SGK3: variants seen among roughly 807,000 people sequenced by gnomAD.
The protein encoded by SGK3 is serine/threonine-protein kinase Sgk3.
A neutral mutation model predicts 68.5 loss-of-function variants in SGK3; 47 were observed. That is an observed-to-expected ratio of 0.69 (90% confidence interval 0.54 to 0.87). The LOEUF is 0.87. Ranked by LOEUF, SGK3 falls within the 40% of genes least tolerant of loss-of-function variation. SGK3 has a pLI of 0.00. For synonymous variants in SGK3, 181 were observed against 189.1 expected (o/e 0.96, Z 0.35); for missense variants, 479 against 575.5 (o/e 0.83, Z 1.72).
At chr8:66,713,012 G>A (rs1804534455) in intron 1 of SGK3, among the ~76,000 whole-genome samples, 179 bp downstream of exon 1, 1 of 152,210 alleles carries the variant, frequency 6.6e-6, no homozygotes. Flanking sequence ...GTTTCCACGA[G>A]GTGAATTCAG....
chr8:66,723,827 T>G (rs1018883050), intron 1 of SGK3, among the ~76,000 whole-genome samples: 7 of 152,252 alleles, frequency 4.6e-5, no homozygotes, highest in Non-Finnish European at 1.0e-4. Context: ...TAGTCCATTC[T>G]GACACAAGTA....
intron 1 of SGK3, among the ~76,000 whole-genome samples, chr8:66,758,011 T>TACACACACACACACACACACACACACAC (rs374764386): frequency 1.5e-5 from 2 of 133,666 alleles, no homozygotes; most frequent in African/African-American, 5.7e-5. Flanking sequence ...ACACACACAC[T>TACACACACACACACACACACACACACAC]ACACACACAC....
intron 4 of SGK3, among the ~76,000 whole-genome samples, chr8:66,806,565 C>T (rs1808172988): frequency 6.6e-6 from 1 of 152,034 alleles, no homozygotes; most frequent in South Asian, 2.1e-4. Context: ...GTAATCCCAG[C>T]ACTTTGGGAG....
chr8:66,747,852 A>G (rs911986506), intron 1 of SGK3, among the ~76,000 whole-genome samples: 3 of 152,126 alleles, frequency 2.0e-5, no homozygotes, highest in Admixed American at 6.6e-5. Context: ...TTAAAAGTCT[A>G]TTTGATTTGT....
At chr8:66,832,577 T>C (rs751570604) in intron 8 of SGK3, among the ~76,000 whole-genome samples, 1 of 152,186 alleles carries the variant, frequency 6.6e-6, no homozygotes, top group Non-Finnish European at 1.5e-5. Context: ...ATTGGAATGC[T>C]TGACATAGTT....
intron 10 of SGK3, among the ~76,000 whole-genome samples, chr8:66,837,292 T>C (rs1809576968): frequency 6.6e-6 from 1 of 152,216 alleles, no homozygotes; most frequent in Admixed American, 6.5e-5. Context: ...TATTGTCATA[T>C]CTTTACAAAG....
At chr8:66,794,032 A>T (rs564994853) in intron 2 of SGK3, among the ~76,000 whole-genome samples, 200 bp downstream of exon 2, 1 of 152,150 alleles carries the variant, frequency 6.6e-6, no homozygotes, top group South Asian at 2.1e-4. Flanking sequence ...GTGTCTCTTT[A>T]CTTATCTTCT....
Position 66,758,303 on chromosome 8 carries a change from G to A in SGK3, c.-121-35313G>A, listed in dbSNP as rs933079618. Among the ~76,000 whole-genome samples the A allele has an allele frequency of 5.9e-5, 9 of 152,088 alleles. No individual in the cohort carries two copies. In the East Asian group the frequency reaches 1.2e-3, roughly 20 times the overall value. ...TGGGAGGCGGAGGTTGCAGTGAGCC[G>A]AGATCGCGCCATTGCACTGCAGCCT... On this transcript the variant is annotated intron_variant, in intron 1 of 16. Coordinates refer to ENST00000521198, the MANE Select transcript of SGK3 (RefSeq NM_001033578.3).
chr8:66,766,055 G>A (rs1806306931), intron 1 of SGK3, among the ~76,000 whole-genome samples: 1 of 151,426 alleles, frequency 6.6e-6, no homozygotes, highest in African/African-American at 2.4e-5. Context: ...TTTTCCAAAT[G>A]TCTTGCTGTT....
chr8:66,787,149 A>G (rs6997393), intron 1 of SGK3, among the ~76,000 whole-genome samples: 4,513 of 151,586 alleles, frequency 0.03, 219 homozygotes, highest in African/African-American at 0.1. Flanking sequence ...TCACCATGTT[A>G]GCCAGGCTGG....
At chr8:66,719,936 T>C (rs1804750406) in intron 1 of SGK3, among the ~76,000 whole-genome samples, 2 of 152,228 alleles carry the variant, frequency 1.3e-5, no homozygotes, top group Non-Finnish European at 2.9e-5. Context: ...TCAATGCCAT[T>C]TTTAAAAGTT....
chr8:66,745,059 A>C (rs1386367028), intron 1 of SGK3, among the ~76,000 whole-genome samples: 1 of 151,928 alleles, frequency 6.6e-6, no homozygotes, highest in Non-Finnish European at 1.5e-5. Context: ...TTCGTGTTTC[A>C]TACATATACC....
intron 1 of SGK3, among the ~76,000 whole-genome samples, chr8:66,765,028 G>C (rs1208967620): frequency 6.6e-6 from 1 of 152,192 alleles, no homozygotes; most frequent in African/African-American, 2.4e-5. Flanking sequence ...ACATGTGCAA[G>C]TAAGTATTTG....
Position 66,793,622 on chromosome 8 carries a change from T to G in SGK3, c.-115T>G. ...TTTTTTTCTGTTGGTTAAGGTTGCA[T>G]GATGGAATTTGAACATTACTTCAAG... On this transcript the variant is annotated 5_prime_UTR_variant, in exon 2 of 17. An upstream start codon of the reference 5' UTR is lost. Coordinates refer to ENST00000521198, the MANE Select transcript of SGK3 (RefSeq NM_001033578.3). 1 of 891,396 alleles carries G rather than the reference T, an allele frequency of 1.1e-6. No individual in the cohort carries two copies. Among genetic ancestry groups the G allele is most frequent in the Non-Finnish European group, 1.6e-6 (1 of 611,238 alleles). The allele number at this position is 891,396 out of a possible 1,614,324, so 55.2% of individuals were successfully genotyped here. A position where few individuals can be genotyped will look rare whatever the true frequency, so the allele number is the denominator to read the frequency against.
chr8:66,769,601 T>A (rs1806440643), intron 1 of SGK3, among the ~76,000 whole-genome samples: 1 of 152,262 alleles, frequency 6.6e-6, no homozygotes, highest in Non-Finnish European at 1.5e-5. Context: ...TTCTGTAATG[T>A]CTAATCTTCT....
At chr8:66,788,278 TATG>T (rs1216326782) in intron 1 of SGK3, among the ~76,000 whole-genome samples, 8 of 152,228 alleles carry the variant, frequency 5.3e-5, no homozygotes. Context: ...TGTCCAGTTT[TATG>T]ATTCAGTGAA....
chr8:66,827,742 A>G (rs952834768), intron 6 of SGK3, among the ~76,000 whole-genome samples: 1 of 152,170 alleles, frequency 6.6e-6, no homozygotes, highest in Non-Finnish European at 1.5e-5. Context: ...ATTTGCTTCT[A>G]AATTAATACC....
intron 13 of SGK3, among the ~76,000 whole-genome samples, chr8:66,841,614 A>G (rs1311754111): frequency 2.0e-5 from 3 of 152,148 alleles, no homozygotes; most frequent in Non-Finnish European, 4.4e-5. Context: ...ATGGCAAAAT[A>G]TTAACACTTG....
intron 1 of SGK3, among the ~76,000 whole-genome samples, chr8:66,759,151 T>G (rs1176196132): frequency 6.0e-5 from 9 of 149,460 alleles, no homozygotes; most frequent in Non-Finnish European, 1.2e-4. Flanking sequence ...AGTAGCACGA[T>G]CTCAGCTCAC....
Sources: gnomAD v4.1 joint callset for allele counts (sites outside exome capture counted in the v4.1 genomes callset) on GRCh38, gnomAD v4.1.1 for gene constraint, MANE v1.5 for transcripts, NCBI Gene and HGNC (gene_info 2026-07-23, HGNC 2026-07-21) for gene names.